TLE5: variants seen among roughly 807,000 people sequenced by gnomAD.
TLE5 encodes TLE family member 5, transcriptional modulator.
Under a neutral mutation model 25.8 loss-of-function variants are expected in TLE5, and 7 were observed. The observed-to-expected ratio is 0.27, with a 90% CI of 0.15 to 0.51. The LOEUF (loss-of-function observed/expected upper bound fraction) is 0.51. TLE5 is among the 20% of genes least tolerant of loss of function. The pLI, the probability that TLE5 is intolerant of heterozygous loss-of-function variation, is 0.97. For missense variants in TLE5, 149 were observed against 250.7 expected, an observed-to-expected ratio of 0.59 and a Z score of 2.74; for synonymous variants, 132 against 110.5, an observed-to-expected ratio of 1.20 and a Z score of -1.22.
At position 3,057,666 on chromosome 19, in the gene TLE5, G is replaced by A. The variant is rs577172054; in HGVS notation, c.189+13C>T. ...CGCCCCCAACACTGGACCTGGGGGC[G>A]GAGTGACGTTACCATCACATAGTGA... On this transcript the variant is annotated intron_variant, in intron 3 of 6. Transcript: ENST00000327141. The A allele has an allele frequency of 2.4e-5, 39 of 1,612,766 alleles. 1 individual carries two copies. The South Asian group carries it at 3.4e-4, about 14-fold the overall frequency.
intron 1 of TLE5, among the ~76,000 whole-genome samples, chr19:3,061,887 G>GT (rs1491588860): frequency 3.2e-4 from 1 of 3,096 alleles, no homozygotes; most frequent in Non-Finnish European, 1.0e-3. Flanking sequence ...CCGGCGGGTT[G>GT]GGGGGGGGGG....
Position 3,062,051 on chromosome 19 carries a change from G to C in TLE5, c.27+123C>G, listed in dbSNP as rs916551120. The C allele has an allele frequency of 4.3e-5, 11 of 256,468 alleles. No homozygotes were observed. In the East Asian group the frequency reaches 4.7e-4, roughly 11 times the overall value. The allele number at this position is 256,468 out of a possible 1,614,324, so 15.9% of individuals were successfully genotyped here. Reference sequence around the variant, plus strand: ...GAGGGAAGACAGGGCCGGGGAGTTGGGGGGGGCGCCGGGCCGGAGGCACCG... The same window carrying C: ...GAGGGAAGACAGGGCCGGGGAGTTGCGGGGGGCGCCGGGCCGGAGGCACCG... On this transcript the variant is annotated intron_variant, in intron 1 of 6. Transcript: ENST00000327141.
rs762884042 is a variant in TLE5, at chr19:3,054,243, GGGAGA to G, written c.298-54_298-50del. 22 of 1,575,772 alleles carry G rather than the reference GGGAGA, an allele frequency of 1.4e-5. No homozygotes were observed. In the Admixed American group the frequency reaches 3.9e-4, roughly 28 times the overall value. On this transcript the variant is annotated intron_variant, in intron 5 of 6. Transcript: ENST00000327141. ...AGAGGCAGTGATTCCTCCTGATCCT[GGGAGA>G]GGAGAGGGGGACGGCCCTGAGGCCA...
At chr19:3,055,476 C>T (rs1022040194) in intron 5 of TLE5, 188 bp downstream of exon 5, 15 of 432,434 alleles carry the variant, frequency 3.5e-5, no homozygotes, top group African/African-American at 3.0e-4. Flanking sequence ...CGCCTGCACC[C>T]CTGGAGTGTC....
chr19:3,054,086 T>TCGGGGGG, intron 6 of TLE5, 34 bp downstream of exon 6: 5 of 1,512,768 alleles, frequency 3.3e-6, no homozygotes, highest in Non-Finnish European at 3.6e-6. Context: ...GGCCCACCTG[T>TCGGGGGG]CCCCCGCCCA....
chr19:3,062,516 G>A, upstream of TLE5: 2 of 635,806 alleles, frequency 3.1e-6, no homozygotes, highest in Non-Finnish European at 3.9e-6. Context: ...CGGCTGCTGC[G>A]GAGGCTTCGG....
chr19:3,060,825 G>A (rs954693386), intron 2 of TLE5: 2 of 175,458 alleles, frequency 1.1e-5, no homozygotes, highest in African/African-American at 4.7e-5. Flanking sequence ...TTTCTGTTTT[G>A]GGGGTTGAGG....
intron 4 of TLE5, chr19:3,056,034 A>C: frequency 1.0e-5 from 5 of 487,678 alleles, no homozygotes; most frequent in East Asian, 3.8e-5. Context: ...GCTTGTGCGA[A>C]TGTAGGGAGG....
intron 5 of TLE5, chr19:3,054,404 G>C (rs1407075002): frequency 1.0e-5 from 6 of 597,750 alleles, no homozygotes; most frequent in Non-Finnish European, 1.8e-5. Flanking sequence ...GGCCAACAGA[G>C]ACAAATGGAA....
At chr19:3,058,989 G>T (rs1185193424) in intron 2 of TLE5, among the ~76,000 whole-genome samples, 2 of 152,122 alleles carry the variant, frequency 1.3e-5, no homozygotes, top group African/African-American at 4.8e-5. Context: ...TAACAACCTC[G>T]CAGGGTGGGG....
In TLE5 at chr19:3,056,184, AC is replaced by A. The variant is rs967325018; in HGVS notation, c.234+127del. ...GGAGGGCTTAGGAGGTAACAGGATA[AC>A]CGGGCTGGCTTGGTGCCCAGCCGAG... On this transcript the variant is annotated intron_variant, in intron 4 of 6. Transcript: ENST00000327141. 14 of 557,704 alleles carry A rather than the reference AC, an allele frequency of 2.5e-5. 1 individual carries two copies. Among genetic ancestry groups the A allele is most frequent in the African/African-American group, 2.5e-4 (11 of 44,866 alleles). 34.5% of individuals were successfully genotyped at this position (557,704 alleles called of 1,614,324 possible).
At chr19:3,062,622 C>G (rs1345558553), upstream of TLE5, 3 of 1,150,254 alleles carry the variant, frequency 2.6e-6, no homozygotes, top group Non-Finnish European at 3.2e-6. Flanking sequence ...GCCCGCCTCC[C>G]CGTGGCCCGC....
chr19:3,056,027 T>G, intron 4 of TLE5: 5 of 493,438 alleles, frequency 1.0e-5, no homozygotes, highest in Non-Finnish European at 1.1e-5. Flanking sequence ...AGTAAGCGCT[T>G]GTGCGAATGT....
At chr19:3,055,768 G>A in intron 4 of TLE5, 42 bp from the exon 5 acceptor site, 4 of 1,563,062 alleles carry the variant, frequency 2.6e-6, no homozygotes, top group Non-Finnish European at 3.5e-6. Flanking sequence ...CTGGGCGGGT[G>A]GCAGGTGCAG....
chr19:3,053,796 A>G lies in TLE5; in HGVS notation c.*23T>C. 1.3e-6 allele frequency: 2 copies of G among 1,583,250 alleles called. No homozygotes were observed. Among genetic ancestry groups the G allele is most frequent in the Non-Finnish European group, 1.7e-6 (2 of 1,154,854 alleles). ...CTGTCTCCCCTCTGTCCCCCCTCCCAACCTCCCTGTCCCGGCCCCCTGCTA... is the reference window on the plus strand; with the variant it reads ...CTGTCTCCCCTCTGTCCCCCCTCCCGACCTCCCTGTCCCGGCCCCCTGCTA... On this transcript the variant is annotated 3_prime_UTR_variant, in exon 7 of 7. Transcript: ENST00000327141.
chr19:3,056,248 G>T, intron 4 of TLE5, 64 bp downstream of exon 4: 2 of 1,247,160 alleles, frequency 1.6e-6, no homozygotes, highest in Non-Finnish European at 1.1e-6. Flanking sequence ...CCAAGGCGGG[G>T]CTGGAGGTGG....
chr19:3,053,555 CAGG>C lies in TLE5; in HGVS notation c.*261_*263del. 1.8e-6 allele frequency: 1 copy of C among 557,232 alleles called. No homozygotes were observed. Among genetic ancestry groups the C allele is most frequent in the Non-Finnish European group, 3.2e-6 (1 of 312,192 alleles). The allele number at this position is 557,232 out of a possible 1,614,324, so 34.5% of individuals were successfully genotyped here. ...GGACCTGGTCTCCCATCTGACCCTCCAGGCCTTAGCTTGCCTCACATGTCAGGG... is the reference window on the plus strand; with the variant it reads ...GGACCTGGTCTCCCATCTGACCCTCCCCTTAGCTTGCCTCACATGTCAGGG... On this transcript the variant is annotated 3_prime_UTR_variant, in exon 7 of 7. Transcript: ENST00000327141.
chr19:3,061,499 G>C, intron 1 of TLE5: 1 of 321,458 alleles, frequency 3.1e-6, no homozygotes, highest in South Asian at 4.1e-5. Flanking sequence ...AGGCAGTGGG[G>C]GTGCGTTTTA....
At chr19:3,058,267 C>T (rs868601905) in intron 2 of TLE5, among the ~76,000 whole-genome samples, 7 of 152,128 alleles carry the variant, frequency 4.6e-5, no homozygotes, top group South Asian at 4.1e-4. Flanking sequence ...GAGAGTCTCA[C>T]GAGCCTTCAC....
Sources: gnomAD v4.1 joint callset for allele counts (sites outside exome capture counted in the v4.1 genomes callset) on GRCh38, gnomAD v4.1.1 for gene constraint, MANE v1.5 for transcripts, NCBI Gene and HGNC (gene_info 2026-07-23, HGNC 2026-07-21) for gene names.